Variants in EBF1 observed in about 807,000 individuals in gnomAD.
The protein encoded by EBF1 is transcription factor COE1.
In EBF1, 10 loss-of-function variants were observed where a neutral mutation model predicts 68.4. That is an observed-to-expected ratio of 0.15 (90% CI 0.09 to 0.25). The LOEUF (loss-of-function observed/expected upper bound fraction) is 0.25, where lower values mean the gene tolerates loss of function less well. Ranked by LOEUF, EBF1 falls within the 10% of genes least tolerant of loss-of-function variation. The pLI is 1.00. For missense variants in EBF1, 509 were observed against 794.4 expected, an observed-to-expected ratio of 0.64 and a Z score of 4.32; for synonymous variants, 298 against 299.8, an observed-to-expected ratio of 0.99 and a Z score of 0.06.
intron 14 of EBF1, among the ~76,000 whole-genome samples, chr5:158,710,056 CTTA>C (rs1266767001): frequency 6.6e-6 from 1 of 152,064 alleles, no homozygotes; most frequent in Admixed American, 6.5e-5. Flanking sequence ...AGTGGAATGT[CTTA>C]TTTTTTTATT....
chr5:158,992,836 C>T (rs1760618241), intron 6 of EBF1, among the ~76,000 whole-genome samples: 1 of 150,028 alleles, frequency 6.7e-6, no homozygotes, highest in Admixed American at 6.7e-5. Flanking sequence ...AATTACTGTG[C>T]TTGTCTATTT....
At chr5:159,031,945 C>A (rs568315794) in intron 6 of EBF1, among the ~76,000 whole-genome samples, 1 of 152,294 alleles carries the variant, frequency 6.6e-6, no homozygotes, top group South Asian at 2.1e-4. Flanking sequence ...CCACACTCCT[C>A]CCGTCTTCGA....
chr5:158,971,833 C>T (rs1755716144), intron 6 of EBF1, among the ~76,000 whole-genome samples: 1 of 152,164 alleles, frequency 6.6e-6, no homozygotes. Context: ...TGGAAAAGTG[C>T]CGAGGACCTA....
chr5:158,834,518 A>C (rs541516126), intron 7 of EBF1, among the ~76,000 whole-genome samples: 65 of 152,230 alleles, frequency 4.3e-4, no homozygotes, highest in Non-Finnish European at 6.8e-4. Flanking sequence ...AAAAAAAAAA[A>C]AACATTGTGC....
chr5:158,802,090 T>C (rs1265491420), intron 8 of EBF1, among the ~76,000 whole-genome samples: 2 of 152,066 alleles, frequency 1.3e-5, no homozygotes, highest in Admixed American at 6.6e-5. Flanking sequence ...GCCTGCCCAT[T>C]GAGGTGAATT....
At chr5:158,911,184 C>A (rs534327675) in intron 6 of EBF1, among the ~76,000 whole-genome samples, 1 of 152,308 alleles carries the variant, frequency 6.6e-6, no homozygotes, top group South Asian at 2.1e-4. Flanking sequence ...AAATCTCCTT[C>A]CTTTCATGAA....
chr5:158,761,786 A>C (rs2127618793), intron 10 of EBF1, among the ~76,000 whole-genome samples: 1 of 152,324 alleles, frequency 6.6e-6, no homozygotes, highest in East Asian at 1.9e-4. Flanking sequence ...ACTCATTAAA[A>C]ATTTTTGGTG....
At chr5:158,900,513 G>A (rs989532556) in intron 6 of EBF1, among the ~76,000 whole-genome samples, 8 of 152,186 alleles carry the variant, frequency 5.3e-5, no homozygotes, top group Non-Finnish European at 1.0e-4. Flanking sequence ...CCCGGAAATT[G>A]ATAGCATTTG....
intron 6 of EBF1, among the ~76,000 whole-genome samples, chr5:158,955,769 G>C (rs2127517827): frequency 6.6e-6 from 1 of 152,274 alleles, no homozygotes; most frequent in South Asian, 2.1e-4. Flanking sequence ...ACTGCTGGCT[G>C]TTTCCGAAAC....
At chr5:158,822,121 T>A (rs1441981300) in intron 8 of EBF1, among the ~76,000 whole-genome samples, 1 of 152,118 alleles carries the variant, frequency 6.6e-6, no homozygotes, top group Non-Finnish European at 1.5e-5. Flanking sequence ...TGTGGTAGTG[T>A]TCTGAAAAGA....
intron 6 of EBF1, among the ~76,000 whole-genome samples, chr5:158,876,140 C>T (rs895902738): frequency 1.3e-5 from 2 of 152,074 alleles, no homozygotes; most frequent in East Asian, 1.9e-4. Flanking sequence ...TGAAACACTA[C>T]GGCCAATAAT....
At chr5:158,910,028 T>C (rs1404581783) in intron 6 of EBF1, among the ~76,000 whole-genome samples, 1 of 149,518 alleles carries the variant, frequency 6.7e-6, no homozygotes, top group African/African-American at 2.5e-5. Context: ...GAGCAGATTT[T>C]AGCATTTTTA....
intron 10 of EBF1, among the ~76,000 whole-genome samples, chr5:158,753,601 A>AT (rs909969276): frequency 1.3e-5 from 2 of 152,112 alleles, no homozygotes; most frequent in African/African-American, 2.4e-5. Flanking sequence ...TCAACCAGAT[A>AT]TTTTTTCTCC....
intron 6 of EBF1, among the ~76,000 whole-genome samples, chr5:158,923,720 T>C (rs957342326): frequency 4.6e-5 from 7 of 152,190 alleles, no homozygotes; most frequent in African/African-American, 1.7e-4. Flanking sequence ...GGGTCTCAAA[T>C]TGTACCCATG....
chr5:158,824,973 A>T (rs1283836761), intron 7 of EBF1, among the ~76,000 whole-genome samples: 1 of 152,268 alleles, frequency 6.6e-6, no homozygotes, highest in Admixed American at 6.5e-5. Flanking sequence ...TAAAATGCAT[A>T]GGAAACAGTT....
chr5:158,900,003 G>A (rs1158438498), intron 6 of EBF1, among the ~76,000 whole-genome samples: 1 of 152,166 alleles, frequency 6.6e-6, no homozygotes, highest in Non-Finnish European at 1.5e-5. Flanking sequence ...GAGGCAAGAG[G>A]CTTCCAGCAG....
chr5:158,775,500 T>C (rs1317802624), intron 10 of EBF1, among the ~76,000 whole-genome samples: 1 of 152,046 alleles, frequency 6.6e-6, no homozygotes, highest in Non-Finnish European at 1.5e-5. Context: ...TCTTCTCCTT[T>C]TCTTGTTCTT....
At chr5:159,058,059 T>C (rs1438578897) in intron 6 of EBF1, among the ~76,000 whole-genome samples, 1 of 152,216 alleles carries the variant, frequency 6.6e-6, no homozygotes, top group Non-Finnish European at 1.5e-5. Flanking sequence ...AGGGATGAGA[T>C]TCTGACAGTG....
intron 6 of EBF1, among the ~76,000 whole-genome samples, chr5:158,888,846 T>C (rs1205589731): frequency 6.6e-6 from 1 of 152,038 alleles, no homozygotes; most frequent in Admixed American, 6.6e-5. Context: ...TCTTCCTCCT[T>C]CTTCCTCTTC....
Sources: gnomAD v4.1 joint callset for allele counts (sites outside exome capture counted in the v4.1 genomes callset) on GRCh38, gnomAD v4.1.1 for gene constraint, MANE v1.5 for transcripts, NCBI Gene and HGNC (gene_info 2026-07-23, HGNC 2026-07-21) for gene names.